The following FOCAD variants were observed in gnomAD, a reference collection of about 807,000 sequenced individuals.
FOCAD encodes the protein KIAA1797.
Under a neutral mutation model 225.6 loss-of-function variants are expected in FOCAD, and 198 were observed. The observed-to-expected ratio is 0.88, with a 90% CI of 0.78 to 0.99. FOCAD has a LOEUF of 0.99. FOCAD is among the 50% of genes least tolerant of loss of function. The pLI, the probability that FOCAD is intolerant of heterozygous loss-of-function variation, is 0.00. For synonymous variants in FOCAD, 897 were observed against 755.0 expected, an observed-to-expected ratio of 1.19 and a Z score of -3.08; for missense variants, 2,713 against 2,123.6, an observed-to-expected ratio of 1.28 and a Z score of -5.46.
At chr9:20,813,254 T>C (rs917166838) in intron 11 of FOCAD, among the ~76,000 whole-genome samples, 3 of 152,190 alleles carry the variant, frequency 2.0e-5, no homozygotes, top group African/African-American at 7.2e-5. Context: ...TGTTTATCCA[T>C]TCATCCCGGG....
chr9:20,702,877 A>G (rs1031359294), intron 1 of FOCAD, among the ~76,000 whole-genome samples: 6 of 152,136 alleles, frequency 3.9e-5, no homozygotes, highest in South Asian at 2.1e-4. Flanking sequence ...TCCAAATTCT[A>G]TGTTATGCTT....
chr9:20,717,603 G>T (rs965405759), intron 2 of FOCAD, among the ~76,000 whole-genome samples, 191 bp from the exon 3 acceptor site: 1 of 152,160 alleles, frequency 6.6e-6, no homozygotes, highest in African/African-American at 2.4e-5. Context: ...TGCCTACCTT[G>T]AGGGCTATTC....
At chr9:20,903,154 C>G (rs1328599682) in intron 21 of FOCAD, among the ~76,000 whole-genome samples, 2 of 151,916 alleles carry the variant, frequency 1.3e-5, no homozygotes, top group African/African-American at 2.4e-5. Context: ...TTCCCCACCT[C>G]CATCTCCTAA....
intron 1 of FOCAD, among the ~76,000 whole-genome samples, chr9:20,690,787 ATCC>A (rs1357040671): frequency 4.1e-4 from 63 of 152,156 alleles, no homozygotes; most frequent in Non-Finnish European, 1.0e-4. Flanking sequence ...GCCTCAAGCA[ATCC>A]TCCTGCCTGG....
rs199965640 is a variant in FOCAD at position 20,836,087 on chromosome 9, AT to A, written c.1920+12973del. ...ATAGTTGTCCCTGCCCTCTCTCATC[AT>A]CCTAACCCTTTGTCTAGGGGCTCCT... On this transcript the variant is annotated intron_variant, in intron 15 of 43. Coordinates refer to ENST00000338382, the MANE Select transcript of FOCAD (RefSeq NM_001375567.1). Among the ~76,000 whole-genome samples, 1,475 of 152,150 alleles carry A rather than the reference AT, an allele frequency of 9.7e-3. 6 individuals carry two copies. Among genetic ancestry groups the A allele is most frequent in the Non-Finnish European group, 0.015 (1,053 of 67,980 alleles).
chr9:20,932,808 C>G (rs961567304), intron 27 of FOCAD, among the ~76,000 whole-genome samples: 7 of 151,860 alleles, frequency 4.6e-5, no homozygotes, highest in African/African-American at 1.7e-4. Context: ...TTATACTGCT[C>G]AGAAATCCAA....
intron 3 of FOCAD, among the ~76,000 whole-genome samples, chr9:20,718,259 C>G (rs1285719210): frequency 2.6e-5 from 4 of 152,194 alleles, no homozygotes; most frequent in Non-Finnish European, 5.9e-5. Flanking sequence ...TCTCATGCTT[C>G]AGCTCAGCCC....
chr9:20,936,605 G>A (rs971312559), intron 28 of FOCAD, among the ~76,000 whole-genome samples: 12 of 152,248 alleles, frequency 7.9e-5, no homozygotes, highest in African/African-American at 2.9e-4. Context: ...GAGGCAGGTG[G>A]ATCACGAGGT....
chr9:20,765,680 C>T (rs893546991), intron 7 of FOCAD, among the ~76,000 whole-genome samples: 6 of 152,148 alleles, frequency 3.9e-5, no homozygotes, highest in South Asian at 2.1e-4. Context: ...GGATAAAACA[C>T]GGACACAGTT....
chr9:20,779,807 C>T (rs1819187771), intron 9 of FOCAD, among the ~76,000 whole-genome samples: 1 of 151,860 alleles, frequency 6.6e-6, no homozygotes, highest in Non-Finnish European at 1.5e-5. Flanking sequence ...TTCTTCTGGG[C>T]ATTTTAATTC....
rs1819411446 is a variant in FOCAD, at chr9:20,781,879, A to C, written c.1147A>C (p.Asn383His). The change falls in exon 10 of 44, where the codon AAC becomes CAC. Residue 383 changes from asparagine to histidine, a missense_variant. By Grantham distance (68) the Asn-to-His change is moderately conservative. Transcript: ENST00000338382. ...TCCCTCTAGGCAGCAGTTGGCTCTAAACCTTTTGGAAATGATACAGCAGGA... is the reference window on the plus strand; with the variant it reads ...TCCCTCTAGGCAGCAGTTGGCTCTACACCTTTTGGAAATGATACAGCAGGA... ...EGPSRQQLAL[N>H]LLEMIQQECY... 5 of 1,614,046 alleles carry C rather than the reference A, an allele frequency of 3.1e-6. No individual in the cohort carries two copies. Among genetic ancestry groups the C allele is most frequent in the Non-Finnish European group, 4.2e-6 (5 of 1,179,960 alleles).
chr9:20,807,881 C>T (rs902528329), intron 11 of FOCAD, among the ~76,000 whole-genome samples: 2 of 152,074 alleles, frequency 1.3e-5, no homozygotes, highest in African/African-American at 4.8e-5. Flanking sequence ...GAAACCCTGT[C>T]TCTAATAAAA....
chr9:20,853,907 T>C (rs1827914468), intron 15 of FOCAD, among the ~76,000 whole-genome samples: 1 of 151,746 alleles, frequency 6.6e-6, no homozygotes, highest in Non-Finnish European at 1.5e-5. Context: ...TTCTGCTCCA[T>C]TGATTGTGTC....
In FOCAD at chr9:20,988,558, T is replaced by C. The variant is rs1841389020; in HGVS notation, c.5004+129T>C. The C allele has an allele frequency of 1.1e-5, 4 of 358,664 alleles. No homozygotes were observed. In the South Asian group the frequency reaches 3.5e-4, roughly 32 times the overall value. 22.2% of individuals were successfully genotyped at this position (358,664 alleles called of 1,614,324 possible). A position where few individuals can be genotyped will look rare whatever the true frequency, so the allele number is the denominator to read the frequency against. The stretch of plus-strand genomic sequence containing the variant: ...ATTACTTTTGCACCAACCTAAAATA[T>C]ATGCTCCCAAAAGAGGAGCACGTTG... On this transcript the variant is annotated intron_variant, in intron 41 of 43. Transcript: ENST00000338382.
At chr9:20,704,081 A>G (rs372480083) in intron 1 of FOCAD, among the ~76,000 whole-genome samples, 24 of 152,200 alleles carry the variant, frequency 1.6e-4, no homozygotes, top group Non-Finnish European at 2.5e-4. Context: ...TCTGTGGACA[A>G]TCTTAGAGTT....
chr9:20,807,093 A>C (rs1012463638), intron 11 of FOCAD, among the ~76,000 whole-genome samples: 1 of 152,248 alleles, frequency 6.6e-6, no homozygotes, highest in African/African-American at 2.4e-5. Context: ...TAAATGATAT[A>C]ATCCAGAGTA....
chr9:20,801,442 A>T (rs1006980881), intron 11 of FOCAD, among the ~76,000 whole-genome samples: 1 of 152,144 alleles, frequency 6.6e-6, no homozygotes, highest in Non-Finnish European at 1.5e-5. Context: ...TTGGCCTCCC[A>T]AAGTGCTGGG....
intron 24 of FOCAD, among the ~76,000 whole-genome samples, chr9:20,921,750 C>G (rs1250760518): frequency 6.6e-6 from 1 of 152,268 alleles, no homozygotes; most frequent in East Asian, 1.9e-4. Context: ...AAGAACAATA[C>G]ATACTCAGAT....
At chr9:20,670,869 G>A (rs1023181134) in intron 2 of FOCAD, among the ~76,000 whole-genome samples, 1 of 152,140 alleles carries the variant, frequency 6.6e-6, no homozygotes, top group Non-Finnish European at 1.5e-5. Context: ...CTGAAGAACT[G>A]AATGATTTTT....
Sources: allele counts gnomAD v4.1 joint callset (sites outside exome capture counted in the v4.1 genomes callset), GRCh38; gene constraint gnomAD v4.1.1; transcripts MANE v1.5; gene names NCBI Gene and HGNC (gene_info 2026-07-23, HGNC 2026-07-21).